Variants in NELL2 observed in about 807,000 individuals in gnomAD.
NELL2 encodes neural EGFL like 2.
NELL2 carries 41 observed loss-of-function variants against 109.6 expected under a neutral mutation model. The ratio of observed to expected loss-of-function variants is 0.37; its 90% CI spans 0.29 to 0.49. The LOEUF (loss-of-function observed/expected upper bound fraction) is 0.49. Ranked by LOEUF, NELL2 falls within the 20% of genes least tolerant of loss-of-function variation. The probability of loss-of-function intolerance (pLI) is 0.98; values close to 1 mark genes in which losing one functional copy is unlikely to be tolerated. For missense variants in NELL2, 900 were observed against 1,008.3 expected (o/e 0.89, Z 1.45); for synonymous variants, 355 against 344.7 (o/e 1.03, Z -0.33).
At chr12:44,576,654 T>A (rs1163018637) in intron 15 of NELL2, among the ~76,000 whole-genome samples, 1 of 152,032 alleles carries the variant, frequency 6.6e-6, no homozygotes, top group Non-Finnish European at 1.5e-5. Flanking sequence ...ACCCACTAAC[T>A]TGTCATCTAG....
chr12:44,798,442 T>C (rs1252238221), intron 3 of NELL2, among the ~76,000 whole-genome samples: 1 of 151,916 alleles, frequency 6.6e-6, no homozygotes, highest in Non-Finnish European at 1.5e-5. Flanking sequence ...ATAATGGCAA[T>C]TAAAATGACA....
chr12:44,823,687 C>T (rs2136702972), intron 2 of NELL2, among the ~76,000 whole-genome samples: 1 of 152,288 alleles, frequency 6.6e-6, no homozygotes, highest in South Asian at 2.1e-4. Context: ...GTCAATAATG[C>T]TGCTATGAAC....
At position 44,660,065 on chromosome 12, in the gene NELL2, A is replaced by G. The variant is rs1947683166; in HGVS notation, c.1444+5419T>C. The stretch of plus-strand genomic sequence containing the variant: ...TCCGGGTTTTGATAGAAGAAAGGAG[A>G]CAGAAGAACTTAGTGGTGAGTGGGA... On this transcript the variant is annotated intron_variant, in intron 13 of 19. Transcript: ENST00000429094. 3.3e-5 allele frequency among the ~76,000 whole-genome samples: 5 copies of G among 152,236 alleles called. No individual in the cohort carries two copies. The South Asian group carries it at 1.0e-3, about 32-fold the overall frequency.
At chr12:44,587,398 C>T (rs1328683231) in intron 15 of NELL2, among the ~76,000 whole-genome samples, 1 of 146,354 alleles carries the variant, frequency 6.8e-6, no homozygotes, top group Non-Finnish European at 1.5e-5. Context: ...TACTAATTAA[C>T]AATAACTATC....
intron 3 of NELL2, among the ~76,000 whole-genome samples, chr12:44,793,030 T>C (rs1566409285): frequency 6.6e-6 from 1 of 152,138 alleles, no homozygotes; most frequent in Non-Finnish European, 1.5e-5. Flanking sequence ...TATGCCACTC[T>C]GCAAAAGAAT....
chr12:44,539,791 A>T (rs537397862), intron 15 of NELL2, among the ~76,000 whole-genome samples: 2 of 152,348 alleles, frequency 1.3e-5, no homozygotes, highest in East Asian at 3.9e-4. Context: ...ATTTTACACC[A>T]TATCTCTAAC....
At chr12:44,650,901 C>T (rs1287508527) in intron 13 of NELL2, among the ~76,000 whole-genome samples, 1 of 152,172 alleles carries the variant, frequency 6.6e-6, no homozygotes, top group Admixed American at 6.5e-5. Context: ...GACTAATAGC[C>T]TCCAGAAAAG....
intron 15 of NELL2, among the ~76,000 whole-genome samples, chr12:44,568,515 T>C (rs1043557315): frequency 3.3e-5 from 5 of 152,124 alleles, no homozygotes; most frequent in African/African-American, 4.8e-5. Flanking sequence ...TTACAGTTTA[T>C]CATATCATCA....
intron 13 of NELL2, among the ~76,000 whole-genome samples, chr12:44,645,351 T>A (rs1348450943): frequency 6.6e-6 from 1 of 152,152 alleles, no homozygotes; most frequent in Non-Finnish European, 1.5e-5. Context: ...CAAACCAATA[T>A]AGTAGTGACA....
intron 13 of NELL2, among the ~76,000 whole-genome samples, chr12:44,641,986 C>A (rs191442201): frequency 7.0e-4 from 106 of 152,176 alleles, no homozygotes; most frequent in African/African-American, 2.1e-3. Flanking sequence ...CATAAGCCAG[C>A]GCGCCCGGCC....
intron 9 of NELL2, among the ~76,000 whole-genome samples, chr12:44,736,522 A>G (rs1008594116): frequency 1.3e-5 from 2 of 152,138 alleles, no homozygotes; most frequent in Non-Finnish European, 2.9e-5. Context: ...ATCAAAAAAA[A>G]AAAGACAGAA....
At chr12:44,527,715 C>A (rs1411992238) in intron 16 of NELL2, among the ~76,000 whole-genome samples, 2 of 152,132 alleles carry the variant, frequency 1.3e-5, no homozygotes, top group Non-Finnish European at 2.9e-5. Flanking sequence ...TTCTACACAT[C>A]ACGGAAATCG....
chr12:44,825,070 A>C (rs1402531963), intron 2 of NELL2, among the ~76,000 whole-genome samples: 1 of 152,062 alleles, frequency 6.6e-6, no homozygotes, highest in Non-Finnish European at 1.5e-5. Flanking sequence ...TTTTTTGCTC[A>C]AGACTGCTTT....
chr12:44,863,309 T>C (rs1592673106), intron 2 of NELL2, among the ~76,000 whole-genome samples: 1 of 152,140 alleles, frequency 6.6e-6, no homozygotes, highest in Non-Finnish European at 1.5e-5. Flanking sequence ...TACAGAAAGG[T>C]CAACAGTCTT....
intron 2 of NELL2, among the ~76,000 whole-genome samples, chr12:44,826,270 T>C (rs923376169): frequency 2.0e-5 from 3 of 152,202 alleles, no homozygotes; most frequent in Non-Finnish European, 4.4e-5. Context: ...GTATAAATTC[T>C]ATTATAAAAA....
chr12:44,572,034 T>C (rs1388091396), intron 15 of NELL2, among the ~76,000 whole-genome samples: 2 of 152,164 alleles, frequency 1.3e-5, no homozygotes, highest in African/African-American at 4.8e-5. Flanking sequence ...AAAAGGACTC[T>C]TTCTTTCTTT....
intron 2 of NELL2, among the ~76,000 whole-genome samples, chr12:44,859,072 T>C (rs943843886): frequency 3.3e-5 from 5 of 152,244 alleles, no homozygotes; most frequent in Non-Finnish European, 7.3e-5. Context: ...CCTAGTTTTC[T>C]AATCATTCTT....
intron 13 of NELL2, among the ~76,000 whole-genome samples, chr12:44,611,267 G>A (rs894713111): frequency 5.9e-5 from 9 of 152,066 alleles, no homozygotes; most frequent in Non-Finnish European, 1.0e-4. Flanking sequence ...AGACTACAAA[G>A]TCAGCTGTAT....
At chr12:44,579,676 CTG>C (rs1432902507) in intron 15 of NELL2, among the ~76,000 whole-genome samples, 1 of 152,164 alleles carries the variant, frequency 6.6e-6, no homozygotes, top group East Asian at 1.9e-4. Context: ...CACAGTTTAA[CTG>C]TGTCAAATAC....
Sources: gnomAD v4.1 joint callset for allele counts (sites outside exome capture counted in the v4.1 genomes callset) on GRCh38, gnomAD v4.1.1 for gene constraint, MANE v1.5 for transcripts, NCBI Gene and HGNC (gene_info 2026-07-23, HGNC 2026-07-21) for gene names.